Variants in CDKL5 observed in about 807,000 individuals in gnomAD.
CDKL5 encodes the protein cyclin-dependent kinase-like 5.
In CDKL5, 8 loss-of-function variants were observed where a neutral mutation model predicts 61.7. That is an observed-to-expected ratio of 0.13 (90% CI 0.08 to 0.23). The LOEUF (loss-of-function observed/expected upper bound fraction) is 0.23, where lower values mean the gene tolerates loss of function less well. Ranked by LOEUF, CDKL5 falls within the 10% of genes least tolerant of loss-of-function variation. The probability of loss-of-function intolerance (pLI) is 1.00; values close to 1 mark genes in which losing one functional copy is unlikely to be tolerated. For synonymous variants in CDKL5, 275 were observed against 272.3 expected (o/e 1.01, Z -0.10); for missense variants, 440 against 734.5 (o/e 0.60, Z 4.63).
chrX:18,436,108 A>T (rs1205836487), intron 1 of CDKL5, among the ~76,000 whole-genome samples: 1 of 112,175 alleles, frequency 8.9e-6, no homozygotes, highest in East Asian at 2.8e-4. Flanking sequence ...ATATTCCTAC[A>T]GTAAAGTAAG....
intron 1 of CDKL5, among the ~76,000 whole-genome samples, chrX:18,483,773 G>A (rs1165266164): frequency 9.0e-6 from 1 of 110,847 alleles, no homozygotes; most frequent in Non-Finnish European, 1.9e-5. Context: ...CTTCTAAGGA[G>A]GACATATCAA....
At chrX:18,527,280 T>C (rs776453810) in intron 3 of CDKL5, among the ~76,000 whole-genome samples, 10 of 112,197 alleles carry the variant, frequency 8.9e-5, no homozygotes, top group African/African-American at 3.2e-4. Flanking sequence ...AAGTATTCCC[T>C]CTGCTCCTGT....
chrX:18,485,203 A>G lies in CDKL5; in HGVS notation c.-162-21732A>G, dbSNP rs192000153. Among the ~76,000 whole-genome samples the G allele has an allele frequency of 7.3e-5, 8 of 109,501 alleles. No individual in the cohort carries two copies. The East Asian group carries it at 2.3e-3, about 31-fold the overall frequency. ...CTTTTCCATTTCTCATTCATCAACT[A>G]TTTTTAAATTGTCGCTGTGTCTTTT... On this transcript the variant is annotated intron_variant, in intron 1 of 17. Transcript: ENST00000623535.
chrX:18,534,253 C>G (rs975108424), intron 3 of CDKL5, among the ~76,000 whole-genome samples: 2 of 111,468 alleles, frequency 1.8e-5, no homozygotes, highest in Non-Finnish European at 3.8e-5. Context: ...GGTGTCTTCG[C>G]GTTGTCCTCT....
At chrX:18,557,388 T>C (rs930954650) in intron 3 of CDKL5, among the ~76,000 whole-genome samples, 2 of 112,180 alleles carry the variant, frequency 1.8e-5, no homozygotes, top group Admixed American at 9.5e-5. Flanking sequence ...ATGCAAATAC[T>C]GTGCCATTTT....
At chrX:18,480,497 A>G (rs747876003) in intron 1 of CDKL5, among the ~76,000 whole-genome samples, 2 of 111,670 alleles carry the variant, frequency 1.8e-5, no homozygotes, top group African/African-American at 3.3e-5. Flanking sequence ...CTCCCTTTCC[A>G]TAATGTCCTC....
chrX:18,604,288 C>T lies in CDKL5; in HGVS notation c.1364C>T (p.Ala455Val). ...HSFMESSQSKAGTLQPNEKQS... is the reference protein window; with the variant it reads ...HSFMESSQSKVGTLQPNEKQS... ...TTCATGGAAAGCTCTCAAAGCAAAG[C>T]TGGGACACTGCAGCCCAATGAAAAG... is the stretch of plus-strand genomic sequence containing the variant. The change falls in exon 12 of 18, where the codon GCT becomes GTT. Residue 455 changes from alanine to valine, a missense_variant. Around this residue, in one of 2 missense-constraint regions of CDKL5, gnomAD observed 363 missense variants for 516.3 expected, o/e 0.70. Coordinates refer to ENST00000623535, the MANE Select transcript of CDKL5 (RefSeq NM_001323289.2). The T allele has an allele frequency of 8.3e-7, 1 of 1,211,866 alleles. No homozygotes were observed. Among genetic ancestry groups the T allele is most frequent in the African/African-American group, 1.7e-5 (1 of 57,842 alleles).
At chrX:18,545,063 AC>A (rs1390594651) in intron 3 of CDKL5, among the ~76,000 whole-genome samples, 1 of 110,461 alleles carries the variant, frequency 9.1e-6, no homozygotes, top group East Asian at 2.8e-4. Context: ...CCCTGTCTCT[AC>A]AAACAGTACA....
In CDKL5 at chrX:18,606,304, T is replaced by A. The variant is rs1006007802; in HGVS notation, c.1944+1436T>A. 4.5e-5 allele frequency among the ~76,000 whole-genome samples: 5 copies of A among 111,774 alleles called. No homozygotes were observed. The Admixed American group carries it at 4.7e-4, about 11-fold the overall frequency. On this transcript the variant is annotated intron_variant, in intron 12 of 17. Coordinates refer to ENST00000623535, the MANE Select transcript of CDKL5 (RefSeq NM_001323289.2). ...GAGAGGTCATTGTGAGCAGAAGCAG[T>A]TAGAAATGGCTTTACAGGCAACTGA...
rs1211411564 is a variant in CDKL5, at chrX:18,653,499, T to C, written c.3048T>C (p.Ala1016=). ...TTCACAGGGCCCAGGTAAACCAAGCTGCGCTCCTGACATACCATGAGAATG... is the reference window on the plus strand; with the variant it reads ...TTCACAGGGCCCAGGTAAACCAAGCCGCGCTCCTGACATACCATGAGAATG... Residue 1016 remains alanine, a synonymous_variant, in exon 22 of 22, where the codon GCT becomes GCC. Coordinates refer to the CDKL5 transcript ENST00000379989. 8.3e-7 allele frequency: 1 copy of C among 1,211,887 alleles called. No individual in the cohort carries two copies. Among genetic ancestry groups the C allele is most frequent in the Non-Finnish European group, 1.1e-6 (1 of 895,578 alleles).
At chrX:18,513,799 A>T (rs186800147) in intron 3 of CDKL5, among the ~76,000 whole-genome samples, 7 of 112,001 alleles carry the variant, frequency 6.2e-5, no homozygotes, top group African/African-American at 1.9e-4. Flanking sequence ...AAAATAGAGA[A>T]TTTGATGCTT....
chrX:18,624,008 G>A lies in CDKL5; in HGVS notation c.2377-1120G>A, dbSNP rs977065579. On this transcript the variant is annotated intron_variant, in intron 16 of 17. Coordinates refer to ENST00000623535, the MANE Select transcript of CDKL5 (RefSeq NM_001323289.2). The stretch of plus-strand genomic sequence containing the variant: ...TGTAGTCACTCCACCCATGGTACCC[G>A]TTTTTATGTATGGTAGCCCTGAAAA... 1.7e-5 allele frequency: 13 copies of A among 748,029 alleles called. No homozygotes were observed. In the African/African-American group the frequency reaches 2.1e-4, roughly 12 times the overall value. 61.6% of individuals were successfully genotyped at this position (748,029 alleles called of 1,213,427 possible). A position where few individuals can be genotyped will look rare whatever the true frequency, so the allele number is the denominator to read the frequency against.
rs758758788 is a variant in CDKL5 at position 18,608,917 on chromosome X, G to A, written c.2046+5G>A. 9 of 1,125,505 alleles carry A rather than the reference G, an allele frequency of 8.0e-6. No homozygotes were observed. Among genetic ancestry groups the A allele is most frequent in the Non-Finnish European group, 7.3e-6 (6 of 816,995 alleles). 92.8% of individuals were successfully genotyped at this position (1,125,505 alleles called of 1,213,427 possible). ...CATACACGCCAGAAGTCTGAGGTAT[G>A]TCACAATAAAATATGCCTGTAAACA... On this transcript the variant is annotated splice_donor_5th_base_variant and intron_variant, in intron 13 of 17. Coordinates refer to ENST00000623535, the MANE Select transcript of CDKL5 (RefSeq NM_001323289.2).
chrX:18,642,288 C>T, downstream of CDKL5: 1 of 657,584 alleles, frequency 1.5e-6, no homozygotes, highest in Admixed American at 2.6e-5. Flanking sequence ...TTGCGGGTGC[C>T]CCCCAAAATC....
intron 3 of CDKL5, among the ~76,000 whole-genome samples, chrX:18,536,600 CA>C (rs1379135347): frequency 9.2e-6 from 1 of 108,167 alleles, no homozygotes; most frequent in Non-Finnish European, 1.9e-5. Context: ...CGTGCGCCAC[CA>C]CCCCTGGCTA....
intron 21 of CDKL5, among the ~76,000 whole-genome samples, chrX:18,650,805 C>A (rs1028225110): frequency 2.7e-5 from 3 of 112,493 alleles, no homozygotes; most frequent in African/African-American, 9.7e-5. Flanking sequence ...GGGGCCCACC[C>A]TCTCAGCGTG....
At chrX:18,449,151 G>A (rs1423265567) in intron 1 of CDKL5, among the ~76,000 whole-genome samples, 1 of 112,551 alleles carries the variant, frequency 8.9e-6, no homozygotes, top group Non-Finnish European at 1.9e-5. Context: ...CACTGCGCCC[G>A]GCCTGAGAGC....
intron 2 of CDKL5, among the ~76,000 whole-genome samples, chrX:18,510,058 G>C (rs1044923821): frequency 4.6e-4 from 51 of 110,706 alleles, no homozygotes; most frequent in African/African-American, 1.6e-3. Context: ...TATCCTAGAG[G>C]AAGATTTTAA....
At chrX:18,543,337 G>C (rs1924089182) in intron 3 of CDKL5, among the ~76,000 whole-genome samples, 1 of 110,062 alleles carries the variant, frequency 9.1e-6, no homozygotes. Context: ...CAGGTTGAAG[G>C]CTTTTGAAGC....
Sources: allele counts gnomAD v4.1 joint callset (sites outside exome capture counted in the v4.1 genomes callset), GRCh38; gene constraint gnomAD v4.1.1; regional missense constraint gnomAD v4.1.1; transcripts MANE v1.5; gene names NCBI Gene and HGNC (gene_info 2026-07-23, HGNC 2026-07-21).